FRYL: variants seen among roughly 807,000 people sequenced by gnomAD.
The protein encoded by FRYL is protein furry homolog-like.
FRYL carries 150 observed loss-of-function variants against 351.2 expected under a neutral mutation model. The observed-to-expected ratio is 0.43, with a 90% CI of 0.37 to 0.49. FRYL has a LOEUF of 0.49. Among genes scored for constraint, FRYL ranks in the 20% least tolerant of loss-of-function variants. The probability of loss-of-function intolerance (pLI) is 0.00; values close to 1 mark genes in which losing one functional copy is unlikely to be tolerated. For synonymous variants in FRYL, 1,153 were observed against 1,257.1 expected (o/e 0.92, Z 1.75); for missense variants, 3,036 against 3,619.3 (o/e 0.84, Z 4.13).
At chr4:48,679,073 A>T (rs1170492571) in intron 3 of FRYL, among the ~76,000 whole-genome samples, 2 of 152,152 alleles carry the variant, frequency 1.3e-5, no homozygotes, top group African/African-American at 4.8e-5. Context: ...TAAATGATTC[A>T]AGTAACTGCA....
intron 2 of FRYL, among the ~76,000 whole-genome samples, chr4:48,690,083 T>A (rs2149556693): frequency 6.6e-6 from 1 of 151,296 alleles, no homozygotes; most frequent in South Asian, 2.1e-4. Flanking sequence ...TTTTTTGTAT[T>A]TTTAGTAGAG....
At position 48,674,736 on chromosome 4, in the gene FRYL, C is replaced by CAA. The variant is rs58696045; in HGVS notation, c.-81+9935_-81+9936dup. Among the ~76,000 whole-genome samples, 78 of 55,782 alleles carry CAA rather than the reference C, an allele frequency of 1.4e-3. 4 individuals carry two copies. The highest frequency in any genetic ancestry group is 5.8e-3 in the African/African-American group (71 of 12,220). 36.6% of individuals were successfully genotyped at this position (55,782 alleles called of 152,430 possible). ...AGGGCGACAGAGCAAGACTCTGTCTCAAAAAAAAAAAAAAAAAAAAATAGC... is the reference window on the plus strand; with the variant it reads ...AGGGCGACAGAGCAAGACTCTGTCTCAAAAAAAAAAAAAAAAAAAAAAATAGC... On this transcript the variant is annotated intron_variant, in intron 3 of 63. Coordinates refer to ENST00000358350, the MANE Select transcript of FRYL (RefSeq NM_015030.2).
intron 53 of FRYL, 144 bp from the exon 54 acceptor site, chr4:48,523,248 T>C: frequency 1.7e-6 from 1 of 602,410 alleles, no homozygotes; most frequent in South Asian, 2.1e-5. Context: ...CTTCAATTTC[T>C]TTAAACTGTT....
chr4:48,543,857 C>A lies in FRYL; in HGVS notation c.5542G>T (p.Val1848Phe), dbSNP rs868827914. The A allele has an allele frequency of 6.2e-7, 1 of 1,613,792 alleles. No individual in the cohort carries two copies. The highest frequency in any genetic ancestry group is 8.5e-7 in the Non-Finnish European group (1 of 1,179,788). Residue 1848 changes from valine (V) to phenylalanine (F), a missense_variant, in exon 44 of 64, where the codon GTT becomes TTT. Val to Phe is a conservative substitution (Grantham distance 50, BLOSUM62 -1). Around this residue, in one of 7 missense-constraint regions of FRYL, gnomAD observed 1,987 missense variants for 2,311.7 expected, o/e 0.86. Transcript: ENST00000358350. ...QPLTATTLSD[V>F]LSRLVETVGD... Reference sequence around the variant, plus strand: ...ACAGTTTCTACAAGTCTGGAGAGAACATCAGAAAGTGTAGTTGCAGTGAGA... The same window carrying A: ...ACAGTTTCTACAAGTCTGGAGAGAAAATCAGAAAGTGTAGTTGCAGTGAGA...
At chr4:48,499,739 A>G in intron 63 of FRYL, 59 bp from the exon 64 acceptor site, 1 of 1,483,818 alleles carries the variant, frequency 6.7e-7, no homozygotes, top group Non-Finnish European at 9.2e-7. Flanking sequence ...AGACTAACTC[A>G]ATTTAAGTTA....
intron 1 of FRYL, among the ~76,000 whole-genome samples, chr4:48,767,067 A>C (rs914021087): frequency 6.0e-5 from 9 of 150,734 alleles, no homozygotes; most frequent in African/African-American, 2.2e-4. Flanking sequence ...CCACTGTATT[A>C]GTCTGTTCTC....
At chr4:48,530,402 A>G (rs942142385) in intron 50 of FRYL, among the ~76,000 whole-genome samples, 1 of 152,094 alleles carries the variant, frequency 6.6e-6, no homozygotes, top group Non-Finnish European at 1.5e-5. Flanking sequence ...TTCTTCTAAC[A>G]GATTCCTTAC....
chr4:48,563,661 G>C (rs1736040584), intron 31 of FRYL, among the ~76,000 whole-genome samples: 1 of 150,828 alleles, frequency 6.6e-6, no homozygotes, highest in Admixed American at 6.6e-5. Flanking sequence ...AGTGAACTAT[G>C]ATCATGCCAC....
chr4:48,703,733 A>G (rs556752284), intron 2 of FRYL, among the ~76,000 whole-genome samples: 60 of 152,114 alleles, frequency 3.9e-4, no homozygotes, highest in Admixed American at 3.1e-3. Flanking sequence ...TCTTAACCAC[A>G]TATTTAGACA....
intron 59 of FRYL, among the ~76,000 whole-genome samples, chr4:48,508,453 G>C (rs2148750459): frequency 6.6e-6 from 1 of 152,286 alleles, no homozygotes. Context: ...TTTCTGTATA[G>C]AGGTACAGCA....
chr4:48,776,040 G>C lies in FRYL; in HGVS notation c.-384+4038C>G, dbSNP rs193029725. On this transcript the variant is annotated intron_variant, in intron 1 of 63. Coordinates refer to ENST00000358350, the MANE Select transcript of FRYL (RefSeq NM_015030.2). ...ACAGTTTAAGACAGTCCTATACAGAGGTTAAAAAAAAAAAGAAAAAGAAAA... is the reference window on the plus strand; with the variant it reads ...ACAGTTTAAGACAGTCCTATACAGACGTTAAAAAAAAAAAGAAAAAGAAAA... Among the ~76,000 whole-genome samples, 842 of 146,438 alleles carry C rather than the reference G, an allele frequency of 5.7e-3. 4 individuals carry two copies. Among genetic ancestry groups the C allele is most frequent in the East Asian group, 0.021 (107 of 5,078 alleles).
Position 48,565,613 on chromosome 4 carries a change from G to C in FRYL, c.3248C>G (p.Pro1083Arg). The change falls in exon 29 of 64, where the codon CCT becomes CGT. Residue 1083 changes from proline (P) to arginine (R), a missense_variant. By Grantham distance (103) the Pro-to-Arg change is moderately radical. This residue lies in a region of FRYL where 1,987 missense variants were observed against 2,311.7 expected (regional missense o/e 0.86). Coordinates refer to ENST00000358350, the MANE Select transcript of FRYL (RefSeq NM_015030.2). Reference protein sequence around the residue: ...LFMLFSHWAGPFSIMFTPLDR... With the variant: ...LFMLFSHWAGRFSIMFTPLDR... ...CAAGGGCGTAAACATGATGCTAAAA[G>C]GACCTGCCCAGTGACTGAACAGCAT... 6.2e-7 allele frequency: 1 copy of C among 1,613,870 alleles called. No individual in the cohort carries two copies. The highest frequency in any genetic ancestry group is 1.3e-5 in the African/African-American group (1 of 75,002).
chr4:48,521,272 A>T, intron 54 of FRYL, 57 bp from the exon 55 acceptor site: 2 of 1,272,960 alleles, frequency 1.6e-6, no homozygotes, highest in Non-Finnish European at 2.2e-6. Context: ...GCCACAGGAA[A>T]CATTCTCTAT....
intron 1 of FRYL, among the ~76,000 whole-genome samples, chr4:48,776,490 A>C (rs1259791166): frequency 6.6e-6 from 1 of 152,224 alleles, no homozygotes; most frequent in East Asian, 1.9e-4. Context: ...TACTTTAGGC[A>C]ACAGTAAAAA....
At chr4:48,674,553 C>T (rs1269153282) in intron 3 of FRYL, among the ~76,000 whole-genome samples, 3 of 151,620 alleles carry the variant, frequency 2.0e-5, no homozygotes, top group Non-Finnish European at 4.4e-5. Context: ...CTGGCGAACA[C>T]GGTGAAAACC....
intron 11 of FRYL, 107 bp from the exon 12 acceptor site, chr4:48,603,495 T>A: frequency 1.4e-6 from 1 of 728,438 alleles, no homozygotes; most frequent in Non-Finnish European, 2.3e-6. Flanking sequence ...AATAATTCAC[T>A]GAGACTCTCA....
In FRYL at chr4:48,605,786, A is replaced by C. The variant is rs754574156; in HGVS notation, c.789T>G (p.His263Gln). The change falls in exon 11 of 64, where the codon CAT (histidine) becomes CAG (glutamine). Residue 263 changes from histidine to glutamine, a missense_variant. Transcript: ENST00000358350. ...FLEVKDKDIK[H>Q]ALAGLFVEIL... is the part of the protein sequence containing the mutation. Reference sequence around the variant, plus strand: ...TCTCCACAAATAAACCAGCAAGTGCATGTTTTATATCTTTATCTTTCACTT... The same window carrying C: ...TCTCCACAAATAAACCAGCAAGTGCCTGTTTTATATCTTTATCTTTCACTT... The C allele has an allele frequency of 8.7e-6, 14 of 1,609,228 alleles. No individual in the cohort carries two copies. The highest frequency in any genetic ancestry group is 1.1e-5 in the Non-Finnish European group (13 of 1,176,208).
Position 48,628,431 on chromosome 4 carries a change from CGTGT to C in FRYL, c.121-5256_121-5253del, listed in dbSNP as rs397993302. ...TTTATATATATCTCCCCTTCATTTGCGTGTGTGTGTGTGTGTGTGTGTGTGTGTG... is the reference window on the plus strand; with the variant it reads ...TTTATATATATCTCCCCTTCATTTGCGTGTGTGTGTGTGTGTGTGTGTGTG... On this transcript the variant is annotated intron_variant, in intron 4 of 63. Coordinates refer to ENST00000358350, the MANE Select transcript of FRYL (RefSeq NM_015030.2). 5.4e-3 allele frequency among the ~76,000 whole-genome samples: 776 copies of C among 144,744 alleles called. 5 individuals are homozygous for C. The highest frequency in any genetic ancestry group is 7.8e-3 in the Non-Finnish European group (520 of 66,268). The allele number at this position is 144,744 out of a possible 152,430, so 95.0% of individuals were successfully genotyped here.
chr4:48,554,525 G>A (rs904830532), intron 35 of FRYL, among the ~76,000 whole-genome samples: 9 of 152,112 alleles, frequency 5.9e-5, no homozygotes, highest in Admixed American at 5.9e-4. Context: ...TTTTAGTACA[G>A]ATGGGGTTTC....
Sources: allele counts gnomAD v4.1 joint callset (sites outside exome capture counted in the v4.1 genomes callset), GRCh38; gene constraint gnomAD v4.1.1; regional missense constraint gnomAD v4.1.1; transcripts MANE v1.5; gene names NCBI Gene and HGNC (gene_info 2026-07-23, HGNC 2026-07-21).